The following ENAM variants were observed in gnomAD, a reference collection of about 807,000 sequenced individuals.
ENAM encodes the protein amelogenesis imperfecta 2, hypocalcification (autosomal dominant).
In ENAM, 21 loss-of-function variants were observed where a neutral mutation model predicts 33.6. The ratio of observed to expected loss-of-function variants is 0.63; its 90% confidence interval spans 0.44 to 0.90. ENAM has a LOEUF of 0.90. Ranked by LOEUF, ENAM falls within the 40% of genes least tolerant of loss-of-function variation. The pLI, the probability that ENAM is intolerant of heterozygous loss-of-function variation, is 0.00. For synonymous variants in ENAM, 473 were observed against 468.4 expected (o/e 1.01, Z -0.13); for missense variants, 1,388 against 1,366.9 (o/e 1.02, Z -0.24).
chr4:70,639,099 G>C (rs1738535549), intron 8 of ENAM, among the ~76,000 whole-genome samples: 1 of 152,034 alleles, frequency 6.6e-6, no homozygotes, highest in African/African-American at 2.4e-5. Context: ...AACTGGCAGA[G>C]ATTGTTCTTA....
chr4:70,635,102 C>T (rs929013350), intron 6 of ENAM, among the ~76,000 whole-genome samples: 15 of 152,126 alleles, frequency 9.9e-5, no homozygotes, highest in Admixed American at 4.6e-4. Context: ...TTAGGCCGGG[C>T]GTGGTGGCTC....
At position 70,637,795 on chromosome 4, in the gene ENAM, A is replaced by ATGGACGC; in HGVS notation, c.540_541insTGGACGC (p.Pro181TrpfsTer15). The ATGGACGC allele has an allele frequency of 6.2e-7, 1 of 1,613,492 alleles. No individual in the cohort carries two copies. Among genetic ancestry groups the ATGGACGC allele is most frequent in the East Asian group, 2.2e-5 (1 of 44,874 alleles). On this transcript the variant is annotated frameshift_variant, in exon 8 of 9. Coordinates refer to ENST00000396073, the MANE Select transcript of ENAM (RefSeq NM_031889.3). LOFTEE classifies it low-confidence loss of function (END_TRUNC). ...CTGTGTTTTTCACTTCTCAGAGGTT[A>ATGGACGC]CCACCACCAGGTTATGGACGCCCAC...
chr4:70,641,155 C>T (rs555054899), intron 8 of ENAM, among the ~76,000 whole-genome samples: 5 of 152,206 alleles, frequency 3.3e-5, no homozygotes, highest in Non-Finnish European at 7.4e-5. Context: ...AAATATAGAA[C>T]ATCGGAGGAG....
In ENAM at chr4:70,634,447, A is replaced by G. The variant is rs769913792; in HGVS notation, c.350A>G (p.Asp117Gly). Residue 117 changes from aspartate (D) to glycine (G), a missense_variant, in exon 6 of 9, where the codon GAT (aspartate) becomes GGT (glycine). By Grantham distance (94) the Asp-to-Gly change is moderately conservative. Transcript: ENST00000396073. The stretch of plus-strand genomic sequence containing the variant: ...GCACCCAAACGTCATAACAAGACTG[A>G]TCAGACCCAAGAAACCCAGAAACCC... ...SSAPKRHNKT[D>G]QTQETQKPNQ... 1 of 1,614,158 alleles carries G rather than the reference A, an allele frequency of 6.2e-7. No individual in the cohort carries two copies. Among genetic ancestry groups the G allele is most frequent in the Non-Finnish European group, 8.5e-7 (1 of 1,180,020 alleles).
chr4:70,630,952 A>AG (rs1415912796), intron 2 of ENAM, among the ~76,000 whole-genome samples: 1 of 152,002 alleles, frequency 6.6e-6, no homozygotes, highest in Non-Finnish European at 1.5e-5. Flanking sequence ...ATGTTGGCTC[A>AG]GCTGGTCTCA....
In ENAM at chr4:70,644,985, T is replaced by G. The variant is rs1176713619; in HGVS notation, c.*130T>G. On this transcript the variant is annotated 3_prime_UTR_variant, in exon 9 of 9. Coordinates refer to ENST00000396073, the MANE Select transcript of ENAM (RefSeq NM_031889.3). The stretch of plus-strand genomic sequence containing the variant: ...TTGGTGATCCTTAAGTTTTCTCCCC[T>G]CTCAGCAATAGGAGTAGCGACCCAG... The G allele has an allele frequency of 2.5e-6, 2 of 785,188 alleles. No individual in the cohort carries two copies. Among genetic ancestry groups the G allele is most frequent in the Admixed American group, 4.1e-5 (2 of 49,132 alleles). The allele number at this position is 785,188 out of a possible 1,614,324, so 48.6% of individuals were successfully genotyped here.
At chr4:70,629,369 C>T in intron 1 of ENAM, 72 bp from the exon 2 acceptor site, 1 of 772,026 alleles carries the variant, frequency 1.3e-6, no homozygotes, top group South Asian at 1.4e-5. Context: ...AAATAATTAA[C>T]ATGACATGTG....
At position 70,644,804 on chromosome 4, in the gene ENAM, A is replaced by G; in HGVS notation, c.3378A>G (p.Arg1126=). ...DEHSPFEFLQ[R]GTNVQDQVQD... ...ACAGTCCATTTGAATTCCTTCAAAG[A>G]GGGACCAATGTACAGGACCAGGTAC... The change falls in exon 9 of 9, where the codon AGA becomes AGG. Residue 1126 remains arginine, a synonymous_variant. Coordinates refer to ENST00000396073, the MANE Select transcript of ENAM (RefSeq NM_031889.3). 1 of 1,614,120 alleles carries G rather than the reference A, an allele frequency of 6.2e-7. No individual in the cohort carries two copies. The highest frequency in any genetic ancestry group is 1.1e-5 in the South Asian group (1 of 91,078).
At chr4:70,629,657 G>A (rs779281301) in intron 2 of ENAM, 103 bp downstream of exon 2, 5 of 874,312 alleles carry the variant, frequency 5.7e-6, no homozygotes, top group Non-Finnish European at 9.9e-6. Context: ...TGTATCAGAA[G>A]ACTCAAAGAG....
In ENAM at chr4:70,634,532, T is replaced by C. The variant is rs1196391501; in HGVS notation, c.435T>C (p.Asn145=). 6.2e-7 allele frequency: 1 copy of C among 1,614,030 alleles called. No homozygotes were observed. Among genetic ancestry groups the C allele is most frequent in the East Asian group, 2.2e-5 (1 of 44,874 alleles). The change falls in exon 6 of 9, where the codon AAT becomes AAC. Residue 145 remains asparagine, a synonymous_variant. Coordinates refer to ENST00000396073, the MANE Select transcript of ENAM (RefSeq NM_031889.3). ...QKRPLKQPSH[N]QPQPEEEAQP... is the part of the protein sequence containing the mutation. ...GGCCTTTGAAGCAGCCATCACATAA[T>C]CAACCTCAGCCCGAAGAGGAAGCTC... is the stretch of plus-strand genomic sequence containing the variant.
In ENAM at chr4:70,642,834, A is replaced by G. The variant is rs771871043; in HGVS notation, c.1408A>G (p.Asn470Asp). 1 of 1,614,078 alleles carries G rather than the reference A, an allele frequency of 6.2e-7. No individual in the cohort carries two copies. Among genetic ancestry groups the G allele is most frequent in the South Asian group, 1.1e-5 (1 of 91,076 alleles). ...NSQQYEVNKS[N>D]YKLPHSEGYM... ...TCAACAGTATGAAGTTAATAAATCA[A>G]ATTATAAACTGCCTCACTCTGAGGG... is the stretch of plus-strand genomic sequence containing the variant. The change falls in exon 9 of 9, where the codon AAT becomes GAT. Residue 470 changes from asparagine (N) to aspartate (D), a missense_variant. By Grantham distance (23) the Asn-to-Asp change is conservative. Transcript: ENST00000396073.
Position 70,631,899 on chromosome 4 carries a change from T to C in ENAM, c.168+6T>C. The C allele has an allele frequency of 1.2e-6, 2 of 1,612,736 alleles. No individual in the cohort carries two copies. The highest frequency in any genetic ancestry group is 8.5e-7 in the Non-Finnish European group (1 of 1,178,672). ...TTAGCAGTAAAAGTGAGGAGGTATG[T>C]ACGTTCAGTCTCAGAGGAGAAGTTA... On this transcript the variant is annotated splice_donor_region_variant and intron_variant, in intron 4 of 8. Transcript: ENST00000396073.
intron 3 of ENAM, 44 bp from the exon 4 acceptor site, chr4:70,631,805 C>CA (rs758738261): frequency 6.2e-7 from 1 of 1,611,662 alleles, no homozygotes; most frequent in Non-Finnish European, 8.5e-7. Context: ...GAGCTTATTT[C>CA]AACTGATGTT....
intron 8 of ENAM, among the ~76,000 whole-genome samples, chr4:70,639,566 G>A (rs1407199003): frequency 1.3e-5 from 2 of 151,852 alleles, no homozygotes; most frequent in Admixed American, 1.3e-4. Context: ...CTCTAGTCTA[G>A]GCGACAGAGC....
Position 70,635,872 on chromosome 4 carries a change from A to G in ENAM, c.512A>G (p.Gln171Arg), listed in dbSNP as rs556419641. The change falls in exon 7 of 9, where the codon CAA becomes CGA. Residue 171 changes from glutamine (Q) to arginine (R), a missense_variant. Physicochemically the swap from Gln to Arg is conservative, Grantham distance 43. Coordinates refer to ENST00000396073, the MANE Select transcript of ENAM (RefSeq NM_031889.3). ...GGAAATGGGCTATTCCCCTATCAAC[A>G]ACCACCATGGCAAATTCCACAGGTG... is the stretch of plus-strand genomic sequence containing the variant. ...PFGNGLFPYQ[Q>R]PPWQIPQRLP... 1 of 1,607,988 alleles carries G rather than the reference A, an allele frequency of 6.2e-7. No individual in the cohort carries two copies. The highest frequency in any genetic ancestry group is 8.5e-7 in the Non-Finnish European group (1 of 1,175,370).
intron 8 of ENAM, 34 bp downstream of exon 8, chr4:70,637,877 A>T: frequency 6.6e-7 from 1 of 1,515,420 alleles, no homozygotes; most frequent in Non-Finnish European, 9.2e-7. Context: ...CTCCACTAGA[A>T]ATTACAATCC....
In ENAM at chr4:70,642,810, C is replaced by A; in HGVS notation, c.1384C>A (p.Gln462Lys). Reference sequence around the variant, plus strand: ...TCCAACCAGCCCCTGGAGAAACTCTCAACAGTATGAAGTTAATAAATCAAA... The same window carrying A: ...TCCAACCAGCCCCTGGAGAAACTCTAAACAGTATGAAGTTAATAAATCAAA... ...KNPTSPWRNS[Q>K]QYEVNKSNYK... is the part of the protein sequence containing the mutation. The change falls in exon 9 of 9, where the codon CAA becomes AAA. Residue 462 changes from glutamine (Q) to lysine (K), a missense_variant. Coordinates refer to ENST00000396073, the MANE Select transcript of ENAM (RefSeq NM_031889.3). 1.9e-6 allele frequency: 3 copies of A among 1,613,998 alleles called. No homozygotes were observed. Among genetic ancestry groups the A allele is most frequent in the Non-Finnish European group, 1.7e-6 (2 of 1,179,954 alleles).
rs777525143 is a variant in ENAM, at chr4:70,634,548, G to C, written c.451G>C (p.Glu151Gln). The C allele has an allele frequency of 6.6e-5, 107 of 1,614,146 alleles. No individual in the cohort carries two copies. In the Admixed American group the frequency reaches 1.5e-3, roughly 23 times the overall value. The part of the protein sequence containing the change: ...QPSHNQPQPE[E>Q]EAQPPQAFPP... ...ATCACATAATCAACCTCAGCCCGAA[G>C]AGGAAGCTCAACCCCCTCAGGTGAG... The change falls in exon 6 of 9, where the codon GAG becomes CAG. Residue 151 changes from glutamate to glutamine, a missense_variant. Coordinates refer to ENST00000396073, the MANE Select transcript of ENAM (RefSeq NM_031889.3).
Position 70,635,877 on chromosome 4 carries a change from C to G in ENAM, c.517C>G (p.Pro173Ala). 6.2e-7 allele frequency: 1 copy of G among 1,606,522 alleles called. No homozygotes were observed. The highest frequency in any genetic ancestry group is 8.5e-7 in the Non-Finnish European group (1 of 1,174,164). ...GNGLFPYQQPPWQIPQRLPPP... is the reference protein window; with the variant it reads ...GNGLFPYQQPAWQIPQRLPPP... Reference sequence around the variant, plus strand: ...TGGGCTATTCCCCTATCAACAACCACCATGGCAAATTCCACAGGTGAGAAA... The same window carrying G: ...TGGGCTATTCCCCTATCAACAACCAGCATGGCAAATTCCACAGGTGAGAAA... The change falls in exon 7 of 9, where the codon CCA becomes GCA. Residue 173 changes from proline (P) to alanine (A), a missense_variant. Transcript: ENST00000396073.
Sources: allele counts gnomAD v4.1 joint callset (sites outside exome capture counted in the v4.1 genomes callset), GRCh38; gene constraint gnomAD v4.1.1; transcripts MANE v1.5; gene names NCBI Gene and HGNC (gene_info 2026-07-23, HGNC 2026-07-21).